MAD1L1: variants seen among roughly 807,000 people sequenced by gnomAD.
The protein encoded by MAD1L1 is mitotic spindle assembly checkpoint protein MAD1.
In MAD1L1, 95 loss-of-function variants were observed where a neutral mutation model predicts 96.9. The ratio of observed to expected loss-of-function variants is 0.98; its 90% CI spans 0.83 to 1.16. The LOEUF (loss-of-function observed/expected upper bound fraction) is 1.16, where lower values mean the gene tolerates loss of function less well. Ranked by LOEUF, MAD1L1 falls within the 50% of genes most tolerant of loss-of-function variation. The pLI, the probability that MAD1L1 is intolerant of heterozygous loss-of-function variation, is 0.00. For missense variants in MAD1L1, 1,007 were observed against 954.4 expected (o/e 1.06, Z -0.73); for synonymous variants, 473 against 396.6 (o/e 1.19, Z -2.29).
chr7:1,820,345 G>C (rs560986384), intron 18 of MAD1L1, among the ~76,000 whole-genome samples: 6 of 152,156 alleles, frequency 3.9e-5, no homozygotes, highest in African/African-American at 1.4e-4. Flanking sequence ...ATCTCAAATC[G>C]CTTCTCTAAA....
In MAD1L1 at chr7:2,065,777, C is replaced by T. The variant is rs1234106234; in HGVS notation, c.1218+3417G>A. On this transcript the variant is annotated intron_variant, in intron 12 of 18. Transcript: ENST00000265854. ...TCAACTGCTCCCCCCAAGCCTGGGG[C>T]CTCCAGTAACTGATCTGCTGTGAGA... Among the ~76,000 whole-genome samples, 3 of 152,208 alleles carry T rather than the reference C, an allele frequency of 2.0e-5. No individual in the cohort carries two copies. In the East Asian group the frequency reaches 5.8e-4, roughly 29 times the overall value.
intron 17 of MAD1L1, among the ~76,000 whole-genome samples, chr7:1,899,320 C>T (rs970739016): frequency 1.4e-4 from 22 of 152,326 alleles, no homozygotes; most frequent in African/African-American, 4.3e-4. Context: ...TCCCCTAGGC[C>T]GGGTGCTTCC....
At position 2,215,965 on chromosome 7, in the gene MAD1L1, C is replaced by A; in HGVS notation, c.844G>T (p.Glu282Ter). 6.2e-7 allele frequency: 1 copy of A among 1,614,228 alleles called. No individual in the cohort carries two copies. The highest frequency in any genetic ancestry group is 1.3e-5 in the African/African-American group (1 of 75,070). ...MRETNGLLQEELEGLQRKLGR... is the reference protein window; with the variant it reads ...MRETNGLLQE Reference sequence around the variant, plus strand: ...AGCTTCCTCTGCAGCCCTTCCAGCTCTTCCTGGAGCAGCCCGTTGGTCTCT... The same window carrying A: ...AGCTTCCTCTGCAGCCCTTCCAGCTATTCCTGGAGCAGCCCGTTGGTCTCT... Residue 282 changes from glutamate to a stop codon, truncating the protein, a stop_gained, in exon 9 of 19, where the codon GAG becomes TAG. Transcript: ENST00000265854. LOFTEE classifies it high-confidence loss of function.
chr7:1,855,993 G>C (rs10263703), intron 18 of MAD1L1, among the ~76,000 whole-genome samples: 73,827 of 152,074 alleles, frequency 0.49, 19,482 homozygotes, highest in African/African-American at 0.69. Context: ...CTGCTGAGGG[G>C]AGGCACTTCC....
intron 14 of MAD1L1, among the ~76,000 whole-genome samples, chr7:1,992,840 G>T (rs922625971): frequency 6.6e-6 from 1 of 152,172 alleles, no homozygotes; most frequent in Admixed American, 6.5e-5. Flanking sequence ...GCAGGGGCAG[G>T]GGCAGGGGCA....
chr7:2,008,724 C>T (rs1782148496), intron 13 of MAD1L1, among the ~76,000 whole-genome samples: 1 of 151,682 alleles, frequency 6.6e-6, no homozygotes, highest in Admixed American at 6.6e-5. Flanking sequence ...TGGGAAGGAA[C>T]ACGGCTCCAT....
At chr7:1,840,997 C>T (rs1335680696) in intron 18 of MAD1L1, among the ~76,000 whole-genome samples, 3 of 152,202 alleles carry the variant, frequency 2.0e-5, no homozygotes, top group African/African-American at 4.8e-5. Flanking sequence ...GATGTGATGC[C>T]CAAATCTCTG....
chr7:1,845,928 T>C (rs1783595308), intron 18 of MAD1L1: 1 of 152,636 alleles, frequency 6.6e-6, no homozygotes, highest in Non-Finnish European at 1.5e-5. Context: ...GTCAGGCTCT[T>C]CTCTCCACGC....
intron 11 of MAD1L1, among the ~76,000 whole-genome samples, chr7:2,130,095 C>T (rs1406041090): frequency 6.6e-6 from 1 of 152,288 alleles, no homozygotes; most frequent in Non-Finnish European, 1.5e-5. Context: ...ATGCGCCTCA[C>T]TGCATCAAAA....
intron 17 of MAD1L1, among the ~76,000 whole-genome samples, chr7:1,929,002 A>G (rs962620798): frequency 6.6e-6 from 1 of 152,204 alleles, no homozygotes. Context: ...AGCAGTGCAC[A>G]GGACGCAACA....
chr7:2,078,757 G>A (rs912258688), intron 11 of MAD1L1, among the ~76,000 whole-genome samples: 11 of 152,228 alleles, frequency 7.2e-5, no homozygotes, highest in African/African-American at 2.7e-4. Flanking sequence ...AGGAGGAAGG[G>A]GCTCAGAGGT....
At chr7:2,014,951 G>T (rs1415712264) in intron 12 of MAD1L1, among the ~76,000 whole-genome samples, 3 of 152,212 alleles carry the variant, frequency 2.0e-5, no homozygotes, top group African/African-American at 7.2e-5. Context: ...GGGTCGGCTG[G>T]GAGCAGACGC....
intron 14 of MAD1L1, among the ~76,000 whole-genome samples, chr7:1,998,562 A>G (rs1183907709): frequency 6.6e-6 from 1 of 152,216 alleles, no homozygotes; most frequent in Non-Finnish European, 1.5e-5. Context: ...GGGTCTCCAC[A>G]GGGCATCTTC....
chr7:1,923,842 G>C (rs2128457671), intron 17 of MAD1L1, among the ~76,000 whole-genome samples: 1 of 152,340 alleles, frequency 6.6e-6, no homozygotes, highest in South Asian at 2.1e-4. Context: ...TGTGAGAGTT[G>C]GACTCTGAGC....
intron 12 of MAD1L1, among the ~76,000 whole-genome samples, chr7:2,058,017 G>A (rs112853633): frequency 1.7e-4 from 22 of 130,618 alleles, no homozygotes; most frequent in East Asian, 6.6e-4. Context: ...GAGAGGGAGT[G>A]TGGCCAGAGG....
chr7:1,963,761 A>C (rs1347000170), intron 15 of MAD1L1, among the ~76,000 whole-genome samples: 1 of 152,170 alleles, frequency 6.6e-6, no homozygotes, highest in Non-Finnish European at 1.5e-5. Flanking sequence ...ACTCCCACTC[A>C]CACCAACATC....
At position 2,146,826 on chromosome 7, in the gene MAD1L1, C is replaced by T. The variant is rs896939367; in HGVS notation, c.1073+2326G>A. 6.6e-6 allele frequency among the ~76,000 whole-genome samples: 1 copy of T among 152,186 alleles called. No individual in the cohort carries two copies. Among genetic ancestry groups the T allele is most frequent in the African/African-American group, 2.4e-5 (1 of 41,430 alleles). ...GTAGAAATGTGCTCAGCTGTTCAACCGTGCGAGGCTCCCTGACCCCGCCAC... is the reference window on the plus strand; with the variant it reads ...GTAGAAATGTGCTCAGCTGTTCAACTGTGCGAGGCTCCCTGACCCCGCCAC... On this transcript the variant is annotated intron_variant, in intron 11 of 18. Transcript: ENST00000265854. This position sits in a 1 kb window ranked among gnomAD's most constrained non-coding sequence, Gnocchi z 6.2.
chr7:2,122,934 C>A (rs1788049581), intron 11 of MAD1L1, among the ~76,000 whole-genome samples: 1 of 152,214 alleles, frequency 6.6e-6, no homozygotes, highest in South Asian at 2.1e-4. Context: ...GTCTGCCCAT[C>A]CTGCCCTGGT....
At chr7:2,019,714 C>G (rs1329168380) in intron 12 of MAD1L1, among the ~76,000 whole-genome samples, 1 of 151,908 alleles carries the variant, frequency 6.6e-6, no homozygotes, top group Non-Finnish European at 1.5e-5. Context: ...AAGGCCACGC[C>G]TCACCACCCC....
Sources: gnomAD v4.1 joint callset for allele counts (sites outside exome capture counted in the v4.1 genomes callset) on GRCh38, gnomAD v4.1.1 for gene constraint, Gnocchi (gnomAD v3.1) non-coding constraint, MANE v1.5 for transcripts, NCBI Gene and HGNC (gene_info 2026-07-23, HGNC 2026-07-21) for gene names.